JAKMIP1: variants seen among roughly 807,000 people sequenced by gnomAD.
JAKMIP1 encodes janus kinase and microtubule interacting protein 1, also known as janus kinase and microtubule-interacting protein 1.
In JAKMIP1, 33 loss-of-function variants were observed where a neutral mutation model predicts 113.0. That is an observed-to-expected ratio of 0.29 (90% CI 0.22 to 0.39). JAKMIP1 has a LOEUF of 0.39. Ranked by LOEUF, JAKMIP1 falls within the 10% of genes least tolerant of loss-of-function variation. The pLI is 1.00. For missense variants in JAKMIP1, 813 were observed against 1,080.5 expected, an observed-to-expected ratio of 0.75 and a Z score of 3.47; for synonymous variants, 480 against 459.9, an observed-to-expected ratio of 1.04 and a Z score of -0.56.
chr4:6,043,905 C>T (rs992424184), intron 16 of JAKMIP1, among the ~76,000 whole-genome samples: 12 of 152,084 alleles, frequency 7.9e-5, no homozygotes, highest in Non-Finnish European at 1.5e-4. Flanking sequence ...ACAGCCTCAT[C>T]AGTCAGCACT....
At position 6,105,620 on chromosome 4, in the gene JAKMIP1, C is replaced by G; in HGVS notation, c.477G>C (p.Lys159Asn). The change falls in exon 3 of 21, where the codon AAG becomes AAC. Residue 159 changes from lysine (K) to asparagine (N), a missense_variant. Coordinates refer to ENST00000409021, the MANE Select transcript of JAKMIP1 (RefSeq NM_001099433.2). Reference sequence around the variant, plus strand: ...CCTCCTCTGCCTGCTTGCGCGCTGCCTTGAGCTCCAGGATCTCCTGCTGCA... The same window carrying G: ...CCTCCTCTGCCTGCTTGCGCGCTGCGTTGAGCTCCAGGATCTCCTGCTGCA... ...LRLQQEILEL[K>N]AARKQAEEAL... 1 of 1,595,708 alleles carries G rather than the reference C, an allele frequency of 6.3e-7. No individual in the cohort carries two copies. Among genetic ancestry groups the G allele is most frequent in the Non-Finnish European group, 8.5e-7 (1 of 1,171,546 alleles).
In JAKMIP1 at chr4:6,076,333, C is replaced by T. The variant is rs141728438; in HGVS notation, c.1302+2606G>A. On this transcript the variant is annotated intron_variant, in intron 8 of 20. Transcript: ENST00000409021. The surrounding 1 kb of genome is among the most constrained non-coding windows in gnomAD (Gnocchi z 4.8). The stretch of plus-strand genomic sequence containing the variant: ...TTGGCTTGGTGGGAAAAGCTTGGGC[C>T]TTGTAGTCTCAGACTTGAGTTTGAA... Among the ~76,000 whole-genome samples the T allele has an allele frequency of 9.9e-5, 15 of 152,144 alleles. No individual in the cohort carries two copies. In the East Asian group the frequency reaches 2.7e-3, roughly 27 times the overall value.
At chr4:6,091,885 C>G (rs1722109642) in intron 3 of JAKMIP1, among the ~76,000 whole-genome samples, 1 of 152,162 alleles carries the variant, frequency 6.6e-6, no homozygotes, top group Non-Finnish European at 1.5e-5. Flanking sequence ...TGCCTTGTCA[C>G]CTGCCTCCAG....
rs926161189 is a variant in JAKMIP1, at chr4:6,138,849, C to T, written c.-147-25852G>A. On this transcript the variant is annotated intron_variant, in intron 1 of 20. Coordinates refer to ENST00000409021, the MANE Select transcript of JAKMIP1 (RefSeq NM_001099433.2). This position sits in a 1 kb window ranked among gnomAD's most constrained non-coding sequence, Gnocchi z 6.0. ...ATGAGGAAAATCATAGTACCTGCCC[C>T]GGCAAAAGCGAATGCGCACAGAGCA... 1.3e-4 allele frequency among the ~76,000 whole-genome samples: 20 copies of T among 152,110 alleles called. No homozygotes were observed. Among genetic ancestry groups the T allele is most frequent in the African/African-American group, 3.4e-4 (14 of 41,372 alleles).
At chr4:6,172,320 C>T (rs1724823738) in intron 1 of JAKMIP1, among the ~76,000 whole-genome samples, 1 of 152,202 alleles carries the variant, frequency 6.6e-6, no homozygotes, top group African/African-American at 2.4e-5. Context: ...TCCCCTGGCA[C>T]TCACCAGACG....
intron 8 of JAKMIP1, among the ~76,000 whole-genome samples, chr4:6,068,812 C>A (rs769593253): frequency 2.0e-5 from 3 of 152,116 alleles, no homozygotes; most frequent in African/African-American, 7.2e-5. Context: ...TCAAGTGATC[C>A]GTCTACCTCG....
chr4:6,037,134 T>C (rs1446318546), intron 18 of JAKMIP1, among the ~76,000 whole-genome samples: 2 of 96,990 alleles, frequency 2.1e-5, no homozygotes, highest in African/African-American at 4.4e-5. Flanking sequence ...CATCACTGAG[T>C]CAGAGGTTAA....
At chr4:6,113,491 A>T (rs1715272996) in intron 1 of JAKMIP1, among the ~76,000 whole-genome samples, 2 of 152,234 alleles carry the variant, frequency 1.3e-5, no homozygotes, top group Admixed American at 6.5e-5. Flanking sequence ...GACCACACTT[A>T]GAGAAATGGA....
intron 1 of JAKMIP1, among the ~76,000 whole-genome samples, chr4:6,118,245 C>T (rs1051623055): frequency 3.9e-5 from 6 of 152,294 alleles, no homozygotes; most frequent in East Asian, 1.9e-4. Flanking sequence ...TGGCTTCAGC[C>T]GGTCCCTCCG....
intron 1 of JAKMIP1, among the ~76,000 whole-genome samples, chr4:6,117,172 C>T (rs544279326): frequency 9.6e-4 from 146 of 152,262 alleles, no homozygotes; most frequent in African/African-American, 3.1e-3. Context: ...GGGTGTGACT[C>T]GGATTTCCAT....
chr4:6,067,275 A>G lies in JAKMIP1; in HGVS notation c.1303-2267T>C, dbSNP rs1391753899. Among the ~76,000 whole-genome samples, 1 of 152,142 alleles carries G rather than the reference A, an allele frequency of 6.6e-6. No homozygotes were observed. The highest frequency in any genetic ancestry group is 1.5e-5 in the Non-Finnish European group (1 of 68,024). Reference sequence around the variant, plus strand: ...GCCACACTAGTTTGTCTATCCACAAACAGATTTTGTTTTGCACATGACACC... The same window carrying G: ...GCCACACTAGTTTGTCTATCCACAAGCAGATTTTGTTTTGCACATGACACC... On this transcript the variant is annotated intron_variant, in intron 8 of 20. Coordinates refer to ENST00000409021, the MANE Select transcript of JAKMIP1 (RefSeq NM_001099433.2). The surrounding 1 kb of genome is among the most constrained non-coding windows in gnomAD (Gnocchi z 4.6).
intron 13 of JAKMIP1, chr4:6,053,816 C>G: frequency 7.5e-7 from 1 of 1,325,228 alleles, no homozygotes; most frequent in Non-Finnish European, 9.6e-7. Context: ...AATATATTAG[C>G]TCTGGTACAT....
Position 6,086,350 on chromosome 4 carries a change from T to G in JAKMIP1, c.625-721A>C, listed in dbSNP as rs1423588985. ...TCAACCCCACATATGCAGCAGATCT[T>G]AAACACATGCCTCAGCCCTGGCTTC... is the stretch of plus-strand genomic sequence containing the variant. On this transcript the variant is annotated intron_variant, in intron 3 of 20. Coordinates refer to ENST00000409021, the MANE Select transcript of JAKMIP1 (RefSeq NM_001099433.2). This position sits in a 1 kb window ranked among gnomAD's most constrained non-coding sequence, Gnocchi z 4.1. 6.6e-6 allele frequency among the ~76,000 whole-genome samples: 1 copy of G among 151,764 alleles called. No homozygotes were observed. Among genetic ancestry groups the G allele is most frequent in the African/African-American group, 2.4e-5 (1 of 41,316 alleles).
chr4:6,083,610 A>G (rs2108827408), intron 5 of JAKMIP1, among the ~76,000 whole-genome samples: 1 of 151,844 alleles, frequency 6.6e-6, no homozygotes, highest in East Asian at 1.9e-4. Context: ...TTAAAGCCAA[A>G]AAAAAAAAAA....
intron 11 of JAKMIP1, among the ~76,000 whole-genome samples, chr4:6,058,921 T>C (rs937771156): frequency 6.6e-6 from 1 of 152,222 alleles, no homozygotes; most frequent in Non-Finnish European, 1.5e-5. Context: ...AAAAAAGCCT[T>C]ATCATCTCGC....
In JAKMIP1 at chr4:6,076,221, CAAAT is replaced by C. The variant is rs1719677252; in HGVS notation, c.1302+2714_1302+2717del. ...ATAAAAAATAAAATAAACAAACAAA[CAAAT>C]AAATATAGACAAGTTCTACTCAAAC... On this transcript the variant is annotated intron_variant, in intron 8 of 20. Transcript: ENST00000409021. The surrounding 1 kb of genome is among the most constrained non-coding windows in gnomAD (Gnocchi z 4.8). Among the ~76,000 whole-genome samples the C allele has an allele frequency of 6.6e-6, 1 of 151,848 alleles. No individual in the cohort carries two copies.
At chr4:6,043,756 C>A (rs547322710) in intron 16 of JAKMIP1, among the ~76,000 whole-genome samples, 1 of 151,268 alleles carries the variant, frequency 6.6e-6, no homozygotes, top group Admixed American at 6.6e-5. Context: ...TCCTTTCTGC[C>A]CCCCCAGCCA....
Position 6,133,784 on chromosome 4 carries a change from G to C in JAKMIP1, c.-147-20787C>G, listed in dbSNP as rs372319541. On this transcript the variant is annotated intron_variant, in intron 1 of 20. Transcript: ENST00000409021. Reference sequence around the variant, plus strand: ...CTGACATTTCCCAGATTCCCTTGCAGGAGGTAGGGGTCATATGACTAGACC... The same window carrying C: ...CTGACATTTCCCAGATTCCCTTGCACGAGGTAGGGGTCATATGACTAGACC... Among the ~76,000 whole-genome samples, 50 of 152,334 alleles carry C rather than the reference G, an allele frequency of 3.3e-4. 2 individuals carry two copies. The South Asian group carries it at 9.5e-3, about 29-fold the overall frequency.
rs754294016 is a variant in JAKMIP1, at chr4:6,105,654, C to T, written c.443G>A (p.Arg148His). Reference protein sequence around the residue: ...EEARRAFDGERLRLQQEILEL... With the variant: ...EEARRAFDGEHLRLQQEILEL... ...CAGGATCTCCTGCTGCAGCCGCAGG[C>T]GCTCTCCATCGAAGGCCCTGCGCGC... is the stretch of plus-strand genomic sequence containing the variant. Residue 148 changes from arginine (R) to histidine (H), a missense_variant, in exon 3 of 21, where the codon CGC (arginine) becomes CAC (histidine). Around this residue, in one of 2 missense-constraint regions of JAKMIP1, gnomAD observed 540 missense variants for 653.9 expected, o/e 0.83. Transcript: ENST00000409021. 1 of 1,598,826 alleles carries T rather than the reference C, an allele frequency of 6.3e-7. No homozygotes were observed. Among genetic ancestry groups the T allele is most frequent in the East Asian group, 2.3e-5 (1 of 44,196 alleles).
Sources: allele counts gnomAD v4.1 joint callset (sites outside exome capture counted in the v4.1 genomes callset), GRCh38; gene constraint gnomAD v4.1.1; regional missense constraint gnomAD v4.1.1; non-coding constraint Gnocchi (gnomAD v3.1); transcripts MANE v1.5; gene names NCBI Gene and HGNC (gene_info 2026-07-23, HGNC 2026-07-21).